EHHADH: variants seen among roughly 807,000 people sequenced by gnomAD.
EHHADH encodes enoyl-CoA hydratase and 3-hydroxyacyl CoA dehydrogenase, also known as peroxisomal bifunctional enzyme.
EHHADH carries 48 observed loss-of-function variants against 64.4 expected under a neutral mutation model. That is an observed-to-expected ratio of 0.75 (90% CI 0.59 to 0.95). The LOEUF (loss-of-function observed/expected upper bound fraction) is 0.95, where lower values mean the gene tolerates loss of function less well. EHHADH is among the 40% of genes least tolerant of loss of function. The pLI, the probability that EHHADH is intolerant of heterozygous loss-of-function variation, is 0.00. For missense variants in EHHADH, 854 were observed against 876.6 expected, an observed-to-expected ratio of 0.97 and a Z score of 0.33; for synonymous variants, 308 against 326.7, an observed-to-expected ratio of 0.94 and a Z score of 0.62.
intron 4 of EHHADH, among the ~76,000 whole-genome samples, chr3:185,220,374 G>A (rs1177897481): frequency 2.0e-5 from 3 of 152,148 alleles, no homozygotes; most frequent in African/African-American, 7.2e-5. Flanking sequence ...TATGTTAGAT[G>A]TGTTTAGATA....
At chr3:185,241,293 CT>C (rs1719445126) in intron 2 of EHHADH, among the ~76,000 whole-genome samples, 2 of 152,034 alleles carry the variant, frequency 1.3e-5, no homozygotes, top group Admixed American at 1.3e-4. Flanking sequence ...TTTCGTATGA[CT>C]TTTTTCCTCT....
At chr3:185,248,616 A>G in intron 1 of EHHADH, 99 bp from the exon 2 acceptor site, 1 of 784,282 alleles carries the variant, frequency 1.3e-6, no homozygotes, top group Non-Finnish European at 2.1e-6. Context: ...AAACACACAC[A>G]TAATGGATAA....
chr3:185,235,104 C>T (rs373525126), intron 3 of EHHADH, among the ~76,000 whole-genome samples, 186 bp downstream of exon 3: 12 of 151,710 alleles, frequency 7.9e-5, no homozygotes, highest in African/African-American at 2.7e-4. Context: ...TGCTTGAACT[C>T]GGGAGGTGGA....
chr3:185,204,409 G>T lies in EHHADH; in HGVS notation c.910+7C>A, dbSNP rs17283799. 18,310 of 1,592,902 alleles carry T rather than the reference G, an allele frequency of 0.011. 144 individuals carry two copies. The highest frequency in any genetic ancestry group is 0.014 in the Non-Finnish European group (16,242 of 1,170,018). On this transcript the variant is annotated splice_region_variant and intron_variant, in intron 6 of 6. Coordinates refer to ENST00000231887, the MANE Select transcript of EHHADH (RefSeq NM_001966.4). ...GGAGGATTCCATTCATTACCCCATGGTCTTACCAACAACACCAACTGAGGA... is the reference window on the plus strand; with the variant it reads ...GGAGGATTCCATTCATTACCCCATGTTCTTACCAACAACACCAACTGAGGA...
chr3:185,228,277 T>G (rs1236411820), intron 4 of EHHADH, among the ~76,000 whole-genome samples: 4 of 44,030 alleles, frequency 9.1e-5, no homozygotes, highest in East Asian at 3.7e-4. Flanking sequence ...TATATATATA[T>G]ATGGAGAGAG....
At chr3:185,214,457 G>A (rs911140199) in intron 5 of EHHADH, among the ~76,000 whole-genome samples, 9 of 152,260 alleles carry the variant, frequency 5.9e-5, no homozygotes, top group South Asian at 2.1e-4. Flanking sequence ...AACAGACTGC[G>A]TCCTTTCCAC....
chr3:185,192,124 G>T lies in EHHADH; in HGVS notation c.*102C>A. 7.6e-7 allele frequency: 1 copy of T among 1,317,760 alleles called. No individual in the cohort carries two copies. The highest frequency in any genetic ancestry group is 1.0e-6 in the Non-Finnish European group (1 of 954,568). 81.6% of individuals were successfully genotyped at this position (1,317,760 alleles called of 1,614,324 possible). A position where few individuals can be genotyped will look rare whatever the true frequency, so the allele number is the denominator to read the frequency against. ...TTCTAATGATTATTTATTTTGCTTTGTATTTCAGAACAATCTTACTTTGGA... is the reference window on the plus strand; with the variant it reads ...TTCTAATGATTATTTATTTTGCTTTTTATTTCAGAACAATCTTACTTTGGA... On this transcript the variant is annotated 3_prime_UTR_variant, in exon 7 of 7. Coordinates refer to ENST00000231887, the MANE Select transcript of EHHADH (RefSeq NM_001966.4).
intron 4 of EHHADH, among the ~76,000 whole-genome samples, chr3:185,228,233 C>CAAAAAAAAAAA (rs559959272): frequency 1.6e-4 from 2 of 12,688 alleles, no homozygotes; most frequent in Non-Finnish European, 2.5e-4. Context: ...GACTCCGTCT[C>CAAAAAAAAAAA]AAAAAAAAAA....
rs556708671 is a variant in EHHADH at position 185,193,164 on chromosome 3, C to G, written c.1234G>C (p.Ala412Pro). The change falls in exon 7 of 7, where the codon GCC (alanine) becomes CCC (proline). Residue 412 changes from alanine to proline, a missense_variant. Physicochemically the swap from Ala to Pro is conservative, Grantham distance 27. Coordinates refer to ENST00000231887, the MANE Select transcript of EHHADH (RefSeq NM_001966.4). ...PEAFLCTNTS[A>P]LDVDEIASST... Reference sequence around the variant, plus strand: ...GAAGCAATCTCATCAACATCCAGGGCTGAAGTATTAGTGCACAAAAATGCT... The same window carrying G: ...GAAGCAATCTCATCAACATCCAGGGGTGAAGTATTAGTGCACAAAAATGCT... The G allele has an allele frequency of 4.8e-5, 77 of 1,613,210 alleles. No individual in the cohort carries two copies. In the South Asian group the frequency reaches 8.3e-4, roughly 17 times the overall value.
At chr3:185,238,241 T>C (rs776556082) in intron 2 of EHHADH, among the ~76,000 whole-genome samples, 3 of 152,170 alleles carry the variant, frequency 2.0e-5, no homozygotes, top group Non-Finnish European at 4.4e-5. Flanking sequence ...TATCTTTTGA[T>C]ATAATAATAT....
At chr3:185,232,600 T>C (rs2108645663) in intron 3 of EHHADH, among the ~76,000 whole-genome samples, 1 of 152,208 alleles carries the variant, frequency 6.6e-6, no homozygotes, top group Non-Finnish European at 1.5e-5. Context: ...AGGCATGTGC[T>C]ACCACGCCCA....
chr3:185,217,881 C>T (rs978041682), intron 5 of EHHADH, among the ~76,000 whole-genome samples: 10 of 151,716 alleles, frequency 6.6e-5, no homozygotes, highest in Non-Finnish European at 1.5e-4. Context: ...TCTCCTGCCT[C>T]AGCCTCCCGA....
intron 2 of EHHADH, chr3:185,246,138 A>G: frequency 8.4e-7 from 1 of 1,193,746 alleles, no homozygotes; most frequent in Non-Finnish European, 1.3e-6. Flanking sequence ...CATCACTTTC[A>G]ATCTTAAGAT....
At chr3:185,252,229 G>A (rs1216226272) in intron 1 of EHHADH, among the ~76,000 whole-genome samples, 3 of 151,964 alleles carry the variant, frequency 2.0e-5, no homozygotes, top group Admixed American at 6.6e-5. Flanking sequence ...GTGAAACCCC[G>A]TCTCTACTAA....
intron 2 of EHHADH, among the ~76,000 whole-genome samples, chr3:185,236,819 T>C (rs1719309099): frequency 6.6e-6 from 1 of 152,220 alleles, no homozygotes; most frequent in Non-Finnish European, 1.5e-5. Context: ...TAGATTGAGA[T>C]AGTTTTTTAG....
intron 3 of EHHADH, among the ~76,000 whole-genome samples, chr3:185,233,210 TAA>T (rs1394198388): frequency 6.6e-5 from 10 of 152,284 alleles, no homozygotes; most frequent in Admixed American, 2.0e-4. Flanking sequence ...AATAATAGCA[TAA>T]AGGGGCAAGT....
At chr3:185,235,551 A>C in intron 2 of EHHADH, 89 bp from the exon 3 acceptor site, 1 of 1,110,350 alleles carries the variant, frequency 9.0e-7, no homozygotes, top group South Asian at 2.3e-5. Flanking sequence ...TCTTTAAAAA[A>C]TTAATTTGTT....
intron 5 of EHHADH, among the ~76,000 whole-genome samples, chr3:185,206,006 A>G (rs1350481621): frequency 1.3e-5 from 2 of 151,904 alleles, no homozygotes; most frequent in Non-Finnish European, 2.9e-5. Flanking sequence ...TTCCACCCAG[A>G]GCAAAGTGAC....
At chr3:185,224,558 A>C (rs150601230) in intron 4 of EHHADH, among the ~76,000 whole-genome samples, 277 of 151,860 alleles carry the variant, frequency 1.8e-3, no homozygotes, top group Admixed American at 5.4e-3. Context: ...CCAAAGCAGG[A>C]TTCTGAATAT....
Sources: gnomAD v4.1 joint callset for allele counts (sites outside exome capture counted in the v4.1 genomes callset) on GRCh38, gnomAD v4.1.1 for gene constraint, MANE v1.5 for transcripts, NCBI Gene and HGNC (gene_info 2026-07-23, HGNC 2026-07-21) for gene names.